RAD51C: variants seen among roughly 807,000 people sequenced by gnomAD.
RAD51C encodes the protein RAD51 paralog C, also known as DNA repair protein RAD51 homolog 3.
RAD51C carries 42 observed loss-of-function variants against 45.0 expected under a neutral mutation model. The observed-to-expected ratio is 0.93, with a 90% CI of 0.73 to 1.21. The LOEUF (loss-of-function observed/expected upper bound fraction) is 1.21. RAD51C is among the 50% of genes most tolerant of loss of function. RAD51C has a pLI of 0.00. For synonymous variants in RAD51C, 172 were observed against 159.8 expected (o/e 1.08, Z -0.58); for missense variants, 474 against 452.2 (o/e 1.05, Z -0.44).
chr17:58,708,059 T>A (rs576894720), intron 4 of RAD51C, among the ~76,000 whole-genome samples: 1 of 152,142 alleles, frequency 6.6e-6, no homozygotes, highest in Non-Finnish European at 1.5e-5. Flanking sequence ...TTTACGAATA[T>A]TGGGGGGACA....
chr17:58,695,708 C>T (rs572181400), intron 2 of RAD51C, among the ~76,000 whole-genome samples: 52 of 148,414 alleles, frequency 3.5e-4, no homozygotes, highest in East Asian at 3.1e-3. Flanking sequence ...TAGCTTGAGC[C>T]GGGGAGGTCA....
chr17:58,732,493 A>C lies in RAD51C; in HGVS notation c.975A>C (p.Thr325=). 1.9e-6 allele frequency: 3 copies of C among 1,613,184 alleles called. No homozygotes were observed. The highest frequency in any genetic ancestry group is 2.5e-6 in the Non-Finnish European group (3 of 1,179,306). ...FHWDRKQRLA[T]LYKSPSQKEC... ...CTTTTTCTTTAAGCAGGTTGGCAAC[A>C]TTGTACAAGTCACCCAGCCAGAAGG... Residue 325 remains threonine, a synonymous_variant, in exon 8 of 9, where the codon ACA becomes ACC. Transcript: ENST00000337432.
rs12600488 is a variant in RAD51C, at chr17:58,723,526, G to C, written c.905-514G>C. Among the ~76,000 whole-genome samples the C allele has an allele frequency of 5.7e-4, 87 of 151,566 alleles. 2 individuals are homozygous for C. The East Asian group carries it at 0.016, about 27-fold the overall frequency. ...TCACCTAGCTTTTATAGATTTTACTGTCTGTGTATCCCTAATAGTTGCTTA... is the reference window on the plus strand; with the variant it reads ...TCACCTAGCTTTTATAGATTTTACTCTCTGTGTATCCCTAATAGTTGCTTA... On this transcript the variant is annotated intron_variant, in intron 6 of 8. Coordinates refer to ENST00000337432, the MANE Select transcript of RAD51C (RefSeq NM_058216.3).
Position 58,694,939 on chromosome 17 carries a change from A to G in RAD51C, c.154A>G (p.Ile52Val), listed in dbSNP as rs730881927. 1 of 1,612,918 alleles carries G rather than the reference A, an allele frequency of 6.2e-7. No individual in the cohort carries two copies. Among genetic ancestry groups the G allele is most frequent in the Non-Finnish European group, 8.5e-7 (1 of 1,178,972 alleles). Residue 52 changes from isoleucine (I) to valine (V), a missense_variant, in exon 2 of 9, where the codon ATA becomes GTA. Ile to Val is a conservative substitution (Grantham distance 29). Transcript: ENST00000337432. The stretch of plus-strand genomic sequence containing the variant: ...TCTTATTTTACTTTCAGAAGTTGGG[A>G]TATCTAAAGCAGAAGCCTTAGAAAC... ...KPSELSKEVGISKAEALETLQ... is the reference protein window; with the variant it reads ...KPSELSKEVGVSKAEALETLQ...
rs2049574784 is a variant in RAD51C, at chr17:58,734,467, C to T, written c.*245C>T. On this transcript the variant is annotated 3_prime_UTR_variant, in exon 9 of 9. Transcript: ENST00000337432. ...TTCAGTAGAGATGATTATTATATTT[C>T]ACAAATGTGGAAAGCTGATCTCATG... The T allele has an allele frequency of 1.6e-6, 1 of 621,184 alleles. No individual in the cohort carries two copies. Among genetic ancestry groups the T allele is most frequent in the South Asian group, 2.1e-5 (1 of 48,520 alleles). The allele number at this position is 621,184 out of a possible 1,614,324, so 38.5% of individuals were successfully genotyped here. A position where few individuals can be genotyped will look rare whatever the true frequency, so the allele number is the denominator to read the frequency against.
chr17:58,706,505 G>A (rs764382326), intron 4 of RAD51C: 1 of 449,662 alleles, frequency 2.2e-6, no homozygotes, highest in South Asian at 1.6e-5. Flanking sequence ...TGCAGTAGCA[G>A]AATCACCCTA....
chr17:58,727,657 TG>T (rs1450060897), intron 7 of RAD51C, among the ~76,000 whole-genome samples: 4 of 152,296 alleles, frequency 2.6e-5, no homozygotes, highest in African/African-American at 9.6e-5. Flanking sequence ...AAAGTAGTTT[TG>T]TTCTTTATCA....
chr17:58,734,236 C>T lies in RAD51C; in HGVS notation c.*14C>T. The stretch of plus-strand genomic sequence containing the variant: ...GAAGAATTATAACCCAGAAACAAAT[C>T]TCAAAGTGTACAAATTTATTGATGT... On this transcript the variant is annotated 3_prime_UTR_variant, in exon 9 of 9. Transcript: ENST00000337432. 1 of 1,605,232 alleles carries T rather than the reference C, an allele frequency of 6.2e-7. No homozygotes were observed. Among genetic ancestry groups the T allele is most frequent in the Non-Finnish European group, 8.5e-7 (1 of 1,174,518 alleles).
At chr17:58,719,304 C>T (rs2048838522) in intron 5 of RAD51C, among the ~76,000 whole-genome samples, 1 of 152,020 alleles carries the variant, frequency 6.6e-6, no homozygotes, top group South Asian at 2.1e-4. Context: ...CTTCAACCTC[C>T]TGGGCTCAAC....
At chr17:58,699,490 G>C in intron 3 of RAD51C, among the ~76,000 whole-genome samples, 1 of 151,602 alleles carries the variant, frequency 6.6e-6, no homozygotes, top group South Asian at 2.1e-4. Flanking sequence ...TTTCGCTGAT[G>C]ACCAGCATGG....
At position 58,692,608 on chromosome 17, in the gene RAD51C, A is replaced by C; in HGVS notation, c.-36A>C. On this transcript the variant is annotated 5_prime_UTR_variant, in exon 1 of 9. Transcript: ENST00000337432. ...CGCACGCCCCAGCGAGGGCGTGCGG[A>C]GTTTGGCTGCTCCGGGGTTAGCAGG... 1 of 1,612,662 alleles carries C rather than the reference A, an allele frequency of 6.2e-7. No individual in the cohort carries two copies. The highest frequency in any genetic ancestry group is 8.5e-7 in the Non-Finnish European group (1 of 1,179,946).
rs2048495457 is a variant in RAD51C, at chr17:58,709,893, C to T, written c.740C>T (p.Pro247Leu). 1.9e-6 allele frequency: 3 copies of T among 1,610,484 alleles called. No homozygotes were observed. Among genetic ancestry groups the T allele is most frequent in the Non-Finnish European group, 2.5e-6 (3 of 1,177,106 alleles). ...RLVIVDGIAF[P>L]FRHDLDDLSL... The stretch of plus-strand genomic sequence containing the variant: ...GTGATAGTGGATGGTATTGCTTTTC[C>T]ATTTCGTCATGACCTAGATGACCTG... Residue 247 changes from proline to leucine, a missense_variant, in exon 5 of 9, where the codon CCA becomes CTA. Pro to Leu is a moderately conservative substitution (Grantham distance 98). Coordinates refer to ENST00000337432, the MANE Select transcript of RAD51C (RefSeq NM_058216.3).
chr17:58,695,393 A>G (rs999333029), intron 2 of RAD51C: 1 of 1,331,772 alleles, frequency 7.5e-7, no homozygotes, highest in African/African-American at 1.5e-5. Flanking sequence ...CTGATGTGAA[A>G]AAGTGTTTCT....
chr17:58,721,542 C>G (rs1235848728), intron 6 of RAD51C, among the ~76,000 whole-genome samples: 2 of 151,804 alleles, frequency 1.3e-5, no homozygotes, highest in African/African-American at 4.8e-5. Flanking sequence ...GGTGGATCAC[C>G]TGAGGTCGGG....
At chr17:58,727,968 C>T (rs191891758) in intron 7 of RAD51C, among the ~76,000 whole-genome samples, 6 of 151,106 alleles carry the variant, frequency 4.0e-5, no homozygotes, top group Admixed American at 1.3e-4. Context: ...TGAGGCCGGG[C>T]GCAGTGGCTG....
intron 2 of RAD51C, among the ~76,000 whole-genome samples, chr17:58,696,302 G>A (rs1286273857): frequency 3.3e-5 from 5 of 151,626 alleles, no homozygotes; most frequent in East Asian, 3.9e-4. Flanking sequence ...GCGTGGTGGC[G>A]GGTGCTTGTA....
intron 4 of RAD51C, among the ~76,000 whole-genome samples, chr17:58,704,880 CTT>C (rs1242262101): frequency 1.3e-5 from 2 of 152,068 alleles, no homozygotes; most frequent in Non-Finnish European, 2.9e-5. Context: ...AATGCCATCT[CTT>C]TGTTATTTTA....
intron 5 of RAD51C, among the ~76,000 whole-genome samples, chr17:58,716,311 G>A (rs558553568): frequency 2.0e-4 from 30 of 152,048 alleles, no homozygotes; most frequent in Non-Finnish European, 3.7e-4. Context: ...TACGTAGTGC[G>A]TAAACTAAGT....
intron 5 of RAD51C, among the ~76,000 whole-genome samples, chr17:58,712,154 C>T (rs571056137): frequency 6.6e-6 from 1 of 151,906 alleles, no homozygotes; most frequent in African/African-American, 2.4e-5. Context: ...CGAGACCAGC[C>T]TGACCAACAT....
Sources: gnomAD v4.1 joint callset for allele counts (sites outside exome capture counted in the v4.1 genomes callset) on GRCh38, gnomAD v4.1.1 for gene constraint, MANE v1.5 for transcripts, NCBI Gene and HGNC (gene_info 2026-07-23, HGNC 2026-07-21) for gene names.